HOXA3: variants seen among roughly 807,000 people sequenced by gnomAD.
The protein encoded by HOXA3 is homeobox protein Hox-A3.
HOXA3 carries 8 observed loss-of-function variants against 30.3 expected under a neutral mutation model. The ratio of observed to expected loss-of-function variants is 0.26; its 90% CI spans 0.15 to 0.48. The LOEUF is 0.48. Among genes scored for constraint, HOXA3 ranks in the 20% least tolerant of loss-of-function variants. HOXA3 has a pLI of 0.99. For missense variants in HOXA3, 653 were observed against 614.4 expected (o/e 1.06, Z -0.66); for synonymous variants, 323 against 273.1 (o/e 1.18, Z -1.80).
intron 1 of HOXA3, among the ~76,000 whole-genome samples, chr7:27,149,397 AGGT>A (rs1382295829): frequency 2.0e-5 from 3 of 152,154 alleles, no homozygotes; most frequent in African/African-American, 7.2e-5. Flanking sequence ...CTTAGTGGGG[AGGT>A]GGCAATTGGC....
intron 3 of HOXA3, among the ~76,000 whole-genome samples, chr7:27,125,403 G>A (rs886950300): frequency 8.5e-5 from 13 of 152,238 alleles, no homozygotes; most frequent in Non-Finnish European, 8.8e-5. Context: ...GAAAGGGAAG[G>A]GGTTGCCCCG....
intron 3 of HOXA3, 89 bp downstream of exon 3, chr7:27,126,797 T>C (rs1022668686): frequency 3.3e-5 from 5 of 152,182 alleles, no homozygotes; most frequent in Admixed American, 2.0e-4. Flanking sequence ...AAGTCACCCC[T>C]TTCATCCTCA....
chr7:27,147,610 A>T (rs1782821130), intron 1 of HOXA3: 1 of 1,614,062 alleles, frequency 6.2e-7, no homozygotes, highest in African/African-American at 1.3e-5. Context: ...CTTGTCCGGG[A>T]GACTCGACGC....
At chr7:27,137,051 G>T (rs192830028) in intron 2 of HOXA3, among the ~76,000 whole-genome samples, 2 of 152,180 alleles carry the variant, frequency 1.3e-5, no homozygotes, top group Admixed American at 6.5e-5. Flanking sequence ...GCCAAGGCAG[G>T]GGGGAGGCTG....
Position 27,108,776 on chromosome 7 carries a change from C to A in HOXA3, c.527-56G>T. The stretch of plus-strand genomic sequence containing the variant: ...CAGGGGCTGCCGCGGCCCCGCCCAG[C>A]CCCTGACCCAGCCCGGCCCCTCCTT... On this transcript the variant is annotated intron_variant, in intron 5 of 5. Transcript: ENST00000612286. The surrounding 1 kb of genome is among the most constrained non-coding windows in gnomAD (Gnocchi z 5.0). 7.2e-7 allele frequency: 1 copy of A among 1,385,732 alleles called. No homozygotes were observed. The highest frequency in any genetic ancestry group is 9.7e-7 in the Non-Finnish European group (1 of 1,028,606). The allele number at this position is 1,385,732 out of a possible 1,614,324, so 85.8% of individuals were successfully genotyped here.
intron 4 of HOXA3, among the ~76,000 whole-genome samples, chr7:27,111,485 C>CGTGTGT (rs61655486): frequency 0.12 from 18,340 of 148,748 alleles, 1,349 homozygotes; most frequent in African/African-American, 0.21. Context: ...GAACACATTG[C>CGTGTGT]GTGTGTGTGT....
At chr7:27,146,763 G>A (rs1160778824) in intron 1 of HOXA3, among the ~76,000 whole-genome samples, 2 of 152,174 alleles carry the variant, frequency 1.3e-5, no homozygotes, top group African/African-American at 4.8e-5. Context: ...GGGCAGTTGA[G>A]TAGAAGCCGG....
In HOXA3 at chr7:27,117,436, C is replaced by T. The variant is rs570376021; in HGVS notation, c.-121+5123G>A. ...GCCCCTGGGCATCCAGCATGCTCAC[C>T]CCACCCCAAGGCTCTCCTAGGTCTG... is the stretch of plus-strand genomic sequence containing the variant. On this transcript the variant is annotated intron_variant, in intron 4 of 5. Transcript: ENST00000612286. 4.5e-4 allele frequency among the ~76,000 whole-genome samples: 68 copies of T among 152,244 alleles called. 1 individual carries two copies. Among genetic ancestry groups the T allele is most frequent in the Admixed American group, 1.2e-3 (19 of 15,306 alleles).
intron 4 of HOXA3, among the ~76,000 whole-genome samples, chr7:27,115,037 G>T (rs1456107010): frequency 3.7e-5 from 2 of 54,106 alleles, no homozygotes; most frequent in African/African-American, 5.9e-5. Flanking sequence ...ACTCTGCAAG[G>T]GTACGAGTGT....
intron 1 of HOXA3, among the ~76,000 whole-genome samples, chr7:27,152,021 G>A (rs1583418019): frequency 6.6e-6 from 1 of 152,174 alleles, no homozygotes; most frequent in African/African-American, 2.4e-5. Context: ...ACGGAGGGCC[G>A]AAGGAAGGCG....
At chr7:27,146,713 C>T (rs1199573848) in intron 1 of HOXA3, among the ~76,000 whole-genome samples, 2 of 152,070 alleles carry the variant, frequency 1.3e-5, no homozygotes. Flanking sequence ...GTATGAAGCT[C>T]AGGCATGGGC....
At chr7:27,130,009 C>A (rs1785453378) in intron 2 of HOXA3, 1 of 1,291,754 alleles carries the variant, frequency 7.7e-7, no homozygotes, top group African/African-American at 1.5e-5. Flanking sequence ...CAGATGGGGG[C>A]TCCCCTCCCG....
Position 27,108,170 on chromosome 7 carries a change from G to A in HOXA3, c.1077C>T (p.His359=), listed in dbSNP as rs760304201. Residue 359 remains histidine (H), a synonymous_variant, in exon 6 of 6, where the codon CAC becomes CAT. Coordinates refer to ENST00000612286, the MANE Select transcript of HOXA3 (RefSeq NM_153631.3). This position sits in a 1 kb window ranked among gnomAD's most constrained non-coding sequence, Gnocchi z 5.0. ...CCACGAAGACGGGGCTTCCCTGTAT[G>A]TGTGGGGTCCCATAGCTGCCGTTGC... The part of the protein sequence containing the change: ...LQGNGSYGTP[H]IQGSPVFVGG... The A allele has an allele frequency of 8.9e-6, 14 of 1,568,174 alleles. No homozygotes were observed. The Admixed American group carries it at 2.6e-4, about 29-fold the overall frequency.
intron 4 of HOXA3, chr7:27,116,668 C>G (rs370837462): frequency 1.3e-5 from 2 of 152,218 alleles, no homozygotes; most frequent in Non-Finnish European, 2.9e-5. Flanking sequence ...TAACAAACCT[C>G]TATTCCCTCT....
At chr7:27,130,229 C>CT in intron 2 of HOXA3, 1 of 1,401,104 alleles carries the variant, frequency 7.1e-7, no homozygotes, top group East Asian at 3.0e-5. Flanking sequence ...GCGCTGCCCC[C>CT]TGCCGGGACG....
At chr7:27,142,879 A>T (rs1243359804) in intron 1 of HOXA3, 3 of 630,292 alleles carry the variant, frequency 4.8e-6, no homozygotes, top group Admixed American at 3.2e-5. Flanking sequence ...GTGCTCGCAA[A>T]GAAGAGGAGG....
intron 3 of HOXA3, chr7:27,123,991 T>G (rs1785163940): frequency 6.6e-6 from 1 of 152,312 alleles, no homozygotes; most frequent in Admixed American, 6.5e-5. Context: ...TCCTGCACTT[T>G]GCCTCTCAAT....
intron 1 of HOXA3, among the ~76,000 whole-genome samples, chr7:27,149,401 G>A (rs1315676077): frequency 6.6e-6 from 1 of 152,210 alleles, no homozygotes; most frequent in Non-Finnish European, 1.5e-5. Flanking sequence ...GTGGGGAGGT[G>A]GCAATTGGCA....
intron 4 of HOXA3, chr7:27,114,099 G>A (rs1326228224): frequency 2.8e-4 from 43 of 151,892 alleles, no homozygotes; most frequent in African/African-American, 9.2e-4. Context: ...GGGGAAGCGC[G>A]GGCTGGTGTG....
Sources: allele counts gnomAD v4.1 joint callset (sites outside exome capture counted in the v4.1 genomes callset), GRCh38; gene constraint gnomAD v4.1.1; non-coding constraint Gnocchi (gnomAD v3.1); transcripts MANE v1.5; gene names NCBI Gene and HGNC (gene_info 2026-07-23, HGNC 2026-07-21).